Variants in TUBA1C observed in about 807,000 individuals in gnomAD.
TUBA1C encodes the protein tubulin alpha-1C chain.
TUBA1C carries 16 observed loss-of-function variants against 34.9 expected under a neutral mutation model. The ratio of observed to expected loss-of-function variants is 0.46; its 90% CI spans 0.31 to 0.70. The LOEUF (loss-of-function observed/expected upper bound fraction) is 0.70, where lower values mean the gene tolerates loss of function less well. TUBA1C is among the 30% of genes least tolerant of loss of function. The probability of loss-of-function intolerance (pLI) is 0.05; values close to 1 mark genes in which losing one functional copy is unlikely to be tolerated. For missense variants in TUBA1C, 329 were observed against 587.3 expected (o/e 0.56, Z 4.55); for synonymous variants, 177 against 215.9 (o/e 0.82, Z 1.58).
chr12:49,257,072 T>C (rs894772818), intron 1 of TUBA1C, among the ~76,000 whole-genome samples: 1 of 147,484 alleles, frequency 6.8e-6, no homozygotes, highest in Non-Finnish European at 1.5e-5. Flanking sequence ...CCCAGCTACT[T>C]GGGAGTCTGC....
intron 1 of TUBA1C, among the ~76,000 whole-genome samples, chr12:49,240,076 A>C (rs866767458): frequency 8.2e-4 from 106 of 128,638 alleles, no homozygotes; most frequent in East Asian, 2.3e-3. Context: ...ACACACACAC[A>C]CCCTGCCTTT....
chr12:49,259,026 TG>T (rs1942816093), intron 1 of TUBA1C, among the ~76,000 whole-genome samples: 2 of 152,164 alleles, frequency 1.3e-5, no homozygotes, highest in South Asian at 2.1e-4. Context: ...CCCAAAGTGC[TG>T]GGATTACAGG....
chr12:49,229,534 C>T (rs1453604920), intron 1 of TUBA1C, among the ~76,000 whole-genome samples: 2 of 152,226 alleles, frequency 1.3e-5, no homozygotes, highest in African/African-American at 4.8e-5. Context: ...ACCCCTTATA[C>T]GAATAAATTA....
At chr12:49,252,219 A>C (rs1339092008) in intron 1 of TUBA1C, among the ~76,000 whole-genome samples, 2 of 152,196 alleles carry the variant, frequency 1.3e-5, no homozygotes, top group Admixed American at 6.6e-5. Context: ...GTAAGGCATT[A>C]ACCAGTTTTG....
intron 1 of TUBA1C, among the ~76,000 whole-genome samples, chr12:49,238,876 A>G (rs1246673177): frequency 6.6e-6 from 1 of 151,894 alleles, no homozygotes; most frequent in Non-Finnish European, 1.5e-5. Context: ...TGGGCACACC[A>G]CTCTCCAGGA....
At chr12:49,244,703 A>G (rs1302577524) in intron 1 of TUBA1C, among the ~76,000 whole-genome samples, 2 of 152,108 alleles carry the variant, frequency 1.3e-5, no homozygotes, top group African/African-American at 4.8e-5. Flanking sequence ...AGTTGTGTCT[A>G]ATGGATATAA....
chr12:49,237,255 A>G (rs976430821), intron 1 of TUBA1C, among the ~76,000 whole-genome samples: 1 of 150,658 alleles, frequency 6.6e-6, no homozygotes, highest in Non-Finnish European at 1.5e-5. Flanking sequence ...CCCCATCTCT[A>G]CTAAAAATAC....
At chr12:49,267,224 G>A (rs1033951395) in intron 1 of TUBA1C, among the ~76,000 whole-genome samples, 1 of 152,182 alleles carries the variant, frequency 6.6e-6, no homozygotes, top group Non-Finnish European at 1.5e-5. Flanking sequence ...AAATAGAAAC[G>A]GCATTTAAAC....
rs1021668944 is a variant in TUBA1C, at chr12:49,267,819, G to C, written c.4-1646G>C. On this transcript the variant is annotated intron_variant, in intron 1 of 3. Transcript: ENST00000301072. ...AGGTGGGAAGGAGGTCAAAGGTTGT[G>C]AGTAATTAGGGTTTTTATTATCTCT... Among the ~76,000 whole-genome samples the C allele has an allele frequency of 2.0e-5, 3 of 152,154 alleles. No homozygotes were observed. The South Asian group carries it at 6.2e-4, about 31-fold the overall frequency.
chr12:49,265,171 A>T lies in TUBA1C; in HGVS notation c.-11A>T, dbSNP rs768161387. 6 of 1,602,872 alleles carry T rather than the reference A, an allele frequency of 3.7e-6. No homozygotes were observed. The highest frequency in any genetic ancestry group is 8.5e-7 in the Non-Finnish European group (1 of 1,172,544). ...CTCCTTCACCGCCGCAGACCCCTTC[A>T]AGTTCTAGTCATGGTGAGTGGGGTT... On this transcript the variant is annotated 5_prime_UTR_variant, in exon 1 of 4. Coordinates refer to ENST00000301072, the MANE Select transcript of TUBA1C (RefSeq NM_032704.5).
chr12:49,253,299 A>G (rs1437567662), intron 1 of TUBA1C, among the ~76,000 whole-genome samples: 1 of 152,158 alleles, frequency 6.6e-6, no homozygotes, highest in African/African-American at 2.4e-5. Flanking sequence ...GTGAGCACAA[A>G]CAAGAAAATA....
At chr12:49,258,761 T>A (rs981030760) in intron 1 of TUBA1C, among the ~76,000 whole-genome samples, 2 of 144,716 alleles carry the variant, frequency 1.4e-5, no homozygotes, top group South Asian at 2.2e-4. Context: ...AAAAATGAAA[T>A]TTTTTTTTTT....
chr12:49,238,742 G>C (rs546634794), intron 1 of TUBA1C, among the ~76,000 whole-genome samples: 5 of 151,998 alleles, frequency 3.3e-5, no homozygotes, highest in African/African-American at 1.2e-4. Context: ...GAACTCCTGG[G>C]CTCAAGCATG....
intron 1 of TUBA1C, 83 bp downstream of exon 1, chr12:49,265,267 C>A: frequency 7.9e-7 from 1 of 1,258,106 alleles, no homozygotes. Flanking sequence ...GCACCTCGGG[C>A]CGCGCCCAGG....
chr12:49,265,767 G>A (rs563270169), intron 1 of TUBA1C, among the ~76,000 whole-genome samples: 1 of 152,282 alleles, frequency 6.6e-6, no homozygotes, highest in East Asian at 1.9e-4. Context: ...GCCTAATCCT[G>A]CATTTCTGGT....
chr12:49,249,031 A>G (rs1455949741), intron 1 of TUBA1C, among the ~76,000 whole-genome samples: 1 of 152,182 alleles, frequency 6.6e-6, no homozygotes, highest in Non-Finnish European at 1.5e-5. Context: ...ATGAAAATAC[A>G]ACATATCAAA....
chr12:49,244,808 A>T (rs1942651348), intron 1 of TUBA1C, among the ~76,000 whole-genome samples: 1 of 152,118 alleles, frequency 6.6e-6, no homozygotes, highest in African/African-American at 2.4e-5. Flanking sequence ...GCCATCCCAG[A>T]CTCACAGTCT....
chr12:49,248,562 G>GA (rs377471762), intron 1 of TUBA1C, among the ~76,000 whole-genome samples: 118 of 124,486 alleles, frequency 9.5e-4, no homozygotes, highest in Middle Eastern at 4.5e-3. Context: ...CTCTGTCTCA[G>GA]AAAAAAAAAA....
chr12:49,229,769 C>T (rs1942476882), intron 1 of TUBA1C, among the ~76,000 whole-genome samples: 1 of 150,452 alleles, frequency 6.6e-6, no homozygotes, highest in South Asian at 2.1e-4. Context: ...TCTTAACTTG[C>T]TTTTTTTTTC....
Sources: allele counts gnomAD v4.1 joint callset (sites outside exome capture counted in the v4.1 genomes callset), GRCh38; gene constraint gnomAD v4.1.1; transcripts MANE v1.5; gene names NCBI Gene and HGNC (gene_info 2026-07-23, HGNC 2026-07-21).